The following MYBBP1A variants were observed in gnomAD, a reference collection of about 807,000 sequenced individuals.
MYBBP1A encodes myb-binding protein 1A.
In MYBBP1A, 147 loss-of-function variants were observed where a neutral mutation model predicts 136.3. The observed-to-expected ratio is 1.08, with a 90% CI of 0.94 to 1.24. The LOEUF is 1.24. Ranked by LOEUF, MYBBP1A falls within the 50% of genes most tolerant of loss-of-function variation. The pLI is 0.00. For synonymous variants in MYBBP1A, 947 were observed against 735.8 expected, an observed-to-expected ratio of 1.29 and a Z score of -4.65; for missense variants, 2,060 against 1,727.4, an observed-to-expected ratio of 1.19 and a Z score of -3.41.
At position 4,539,502 on chromosome 17, in the gene MYBBP1A, TGCCTTTTTCCGTGCCA is replaced by T. The variant is rs1201952885; in HGVS notation, c.3884_3899del (p.Leu1295GlnfsTer23). 6.2e-7 allele frequency: 1 copy of T among 1,614,126 alleles called. No individual in the cohort carries two copies. Among genetic ancestry groups the T allele is most frequent in the Admixed American group, 1.7e-5 (1 of 60,024 alleles). On this transcript the variant is annotated frameshift_variant, in exon 26 of 26. Transcript: ENST00000254718. LOFTEE classifies it low-confidence loss of function (END_TRUNC). ...GACTCCTGATGACCAAAGACAGCCT[TGCCTTTTTCCGTGCCA>T]GCGCGGACAGTGGTGATTTGCCCAA...
At position 4,546,081 on chromosome 17, in the gene MYBBP1A, C is replaced by G. The variant is rs545901710; in HGVS notation, c.1825-139G>C. 1.4e-4 allele frequency: 100 copies of G among 719,014 alleles called. No homozygotes were observed. In the African/African-American group the frequency reaches 1.5e-3, roughly 11 times the overall value. The allele number at this position is 719,014 out of a possible 1,614,324, so 44.5% of individuals were successfully genotyped here. A position where few individuals can be genotyped will look rare whatever the true frequency, so the allele number is the denominator to read the frequency against. The stretch of plus-strand genomic sequence containing the variant: ...CCACTGGCCCGCCCTGGCCAGTCAC[C>G]CCCACAATCCAGAACAGAAGACCCC... On this transcript the variant is annotated intron_variant, in intron 13 of 25. Coordinates refer to ENST00000254718, the MANE Select transcript of MYBBP1A (RefSeq NM_014520.4).
Position 4,542,560 on chromosome 17 carries a change from G to A in MYBBP1A, c.3019-28C>T, listed in dbSNP as rs763332037. The stretch of plus-strand genomic sequence containing the variant: ...GGTGGGGAGTGACAAGGGCTGTGAG[G>A]TGCAGGCTGGGCTGAGCAGGGACCA... On this transcript the variant is annotated intron_variant, in intron 21 of 25. Coordinates refer to ENST00000254718, the MANE Select transcript of MYBBP1A (RefSeq NM_014520.4). 4.3e-6 allele frequency: 7 copies of A among 1,612,738 alleles called. No individual in the cohort carries two copies. The Admixed American group carries it at 8.3e-5, about 19-fold the overall frequency.
intron 2 of MYBBP1A, among the ~76,000 whole-genome samples, chr17:4,554,502 G>A (rs1481565378): frequency 2.0e-5 from 3 of 152,136 alleles, no homozygotes; most frequent in Non-Finnish European, 2.9e-5. Flanking sequence ...GGCTGATCCT[G>A]CAGGCCTGGG....
At chr17:4,546,431 C>CG (rs1907022086) in intron 13 of MYBBP1A, among the ~76,000 whole-genome samples, 1 of 152,070 alleles carries the variant, frequency 6.6e-6, no homozygotes, top group African/African-American at 2.4e-5. Flanking sequence ...AGCTAGCTGA[C>CG]GGCTTTTTCA....
In MYBBP1A at chr17:4,548,772, G is replaced by A; in HGVS notation, c.1431-123C>T. 2.2e-6 allele frequency: 3 copies of A among 1,381,592 alleles called. No individual in the cohort carries two copies. The highest frequency in any genetic ancestry group is 2.0e-6 in the Non-Finnish European group (2 of 1,011,084). The allele number at this position is 1,381,592 out of a possible 1,614,324, so 85.6% of individuals were successfully genotyped here. On this transcript the variant is annotated intron_variant, in intron 10 of 25. Coordinates refer to ENST00000254718, the MANE Select transcript of MYBBP1A (RefSeq NM_014520.4). This position sits in a 1 kb window ranked among gnomAD's most constrained non-coding sequence, Gnocchi z 4.2. ...GAGGAGGAGCCGCCCTTCTGCCCTG[G>A]GTACAGTCCTCGGGGGCCTGACGGG...
At chr17:4,541,755 G>A in intron 23 of MYBBP1A, 29 bp downstream of exon 23, 1 of 1,581,168 alleles carries the variant, frequency 6.3e-7, no homozygotes, top group Non-Finnish European at 8.7e-7. Context: ...TTCTGAGGGG[G>A]TGGGGAAAGG....
chr17:4,549,807 AAAG>A (rs1302795131), intron 9 of MYBBP1A, among the ~76,000 whole-genome samples: 4 of 150,958 alleles, frequency 2.6e-5, no homozygotes, highest in Non-Finnish European at 3.0e-5. Context: ...AAAAAAAAAA[AAAG>A]AACCAGCAAA....
chr17:4,542,864 C>G (rs532610403), intron 20 of MYBBP1A, 49 bp downstream of exon 20: 3 of 1,608,740 alleles, frequency 1.9e-6, no homozygotes, highest in African/African-American at 1.3e-5. Context: ...GGCCTCCACT[C>G]CCTGGCTGTG....
intron 13 of MYBBP1A, 31 bp from the exon 14 acceptor site, chr17:4,545,973 C>T: frequency 6.3e-7 from 1 of 1,597,356 alleles, no homozygotes; most frequent in Non-Finnish European, 8.6e-7. Context: ...ACACTGGGGC[C>T]AGGCCCTGTC....
Position 4,539,918 on chromosome 17 carries a change from G to A in MYBBP1A, c.3484C>T (p.Gln1162Ter), listed in dbSNP as rs776273578. Residue 1162 changes from glutamine (Q) to a stop codon, truncating the protein, a stop_gained, in exon 26 of 26, where the codon CAG becomes TAG. Transcript: ENST00000254718. LOFTEE classifies it low-confidence loss of function (END_TRUNC). ...KDAKEIPSATQSPISKKRKKK... is the reference protein window; with the variant it reads ...KDAKEIPSAT ...TTCCGCTTCTTACTGATGGGGCTCT[G>A]GGTGGCACTGGGGATCTCCTTGGCA... The A allele has an allele frequency of 5.0e-6, 8 of 1,599,866 alleles. No homozygotes were observed. The African/African-American group carries it at 8.0e-5, about 16-fold the overall frequency.
chr17:4,547,193 C>T (rs2144470796), intron 13 of MYBBP1A, among the ~76,000 whole-genome samples: 1 of 152,088 alleles, frequency 6.6e-6, no homozygotes, highest in East Asian at 1.9e-4. Context: ...CAGGTGCGAG[C>T]CCCGAGCCTG....
At position 4,545,671 on chromosome 17, in the gene MYBBP1A, C is replaced by T. The variant is rs754670204; in HGVS notation, c.2012G>A (p.Arg671Gln). The T allele has an allele frequency of 1.6e-5, 25 of 1,611,374 alleles. No individual in the cohort carries two copies. Among genetic ancestry groups the T allele is most frequent in the South Asian group, 6.6e-5 (6 of 90,942 alleles). Reference protein sequence around the residue: ...QPSHLMRQVARSVFGHICSHL... With the variant: ...QPSHLMRQVAQSVFGHICSHL... The stretch of plus-strand genomic sequence containing the variant: ...GGAGCAGATGTGGCCAAACACGCTC[C>T]GGGCCACCTGGCGCATGAGGTGGCT... The change falls in exon 15 of 26, where the codon CGG (arginine) becomes CAG (glutamine). Residue 671 changes from arginine to glutamine, a missense_variant. Arg to Gln is a conservative substitution (Grantham distance 43, BLOSUM62 1). Transcript: ENST00000254718.
Position 4,544,889 on chromosome 17 carries a change from C to T in MYBBP1A, c.2343G>A (p.Leu781=). Residue 781 remains leucine (L), a synonymous_variant, in exon 18 of 26, where the codon CTG becomes CTA. Coordinates refer to ENST00000254718, the MANE Select transcript of MYBBP1A (RefSeq NM_014520.4). ...GGEDSENEEE[L]GDEAMMALDQ... ...CCAGGGCCATCATGGCCTCATCCCC[C>T]AGCTCCTCCTCGTTCTCACTGTCCT... 6.2e-7 allele frequency: 1 copy of T among 1,606,900 alleles called. No individual in the cohort carries two copies. Among genetic ancestry groups the T allele is most frequent in the Non-Finnish European group, 8.5e-7 (1 of 1,176,394 alleles).
In MYBBP1A at chr17:4,549,389, C is replaced by T. The variant is rs1907300985; in HGVS notation, c.1373G>A (p.Ser458Asn). The change falls in exon 10 of 26, where the codon AGC becomes AAC. Residue 458 changes from serine (S) to asparagine (N), a missense_variant. Coordinates refer to ENST00000254718, the MANE Select transcript of MYBBP1A (RefSeq NM_014520.4). Reference protein sequence around the residue: ...LRKWIIFRLVSIVDSLHLEME... With the variant: ...LRKWIIFRLVNIVDSLHLEME... ...CTCCAGGTGCAGGCTGTCCACAATG[C>T]TCACCAATCGAAAGATGATCCATTT... The T allele has an allele frequency of 1.2e-6, 2 of 1,613,200 alleles. No individual in the cohort carries two copies. Among genetic ancestry groups the T allele is most frequent in the African/African-American group, 2.7e-5 (2 of 74,940 alleles).
chr17:4,540,386 G>A lies in MYBBP1A; in HGVS notation c.3396C>T (p.His1132=), dbSNP rs375027764. 46 of 1,609,884 alleles carry A rather than the reference G, an allele frequency of 2.9e-5. No homozygotes were observed. In the African/African-American group the frequency reaches 3.2e-4, roughly 11 times the overall value. ...GAHSTGSSRL[H]DLYWQAMKTL... The stretch of plus-strand genomic sequence containing the variant: ...TTTTCATGGCCTGCCAGTAGAGGTC[G>A]TGCAGGCGGCTGGAGCCGGTGGAGT... Residue 1132 remains histidine, a synonymous_variant, in exon 25 of 26, where the codon CAC becomes CAT. Coordinates refer to ENST00000254718, the MANE Select transcript of MYBBP1A (RefSeq NM_014520.4).
Position 4,552,196 on chromosome 17 carries a change from T to C in MYBBP1A, c.834A>G (p.Glu278=), listed in dbSNP as rs780140864. 1.2e-6 allele frequency: 2 copies of C among 1,614,232 alleles called. No homozygotes were observed. The highest frequency in any genetic ancestry group is 1.7e-6 in the Non-Finnish European group (2 of 1,180,036). ...ALDLLRLALK[E]DKFPRFWKEV... ...CCTTCCAGAACCGTGGGAACTTGTCTTCCTTGAGTGCCAGGCGGAGCAGGT... is the reference window on the plus strand; with the variant it reads ...CCTTCCAGAACCGTGGGAACTTGTCCTCCTTGAGTGCCAGGCGGAGCAGGT... The change falls in exon 7 of 26, where the codon GAA becomes GAG. Residue 278 remains glutamate, a synonymous_variant. Transcript: ENST00000254718. The surrounding 1 kb of genome is among the most constrained non-coding windows in gnomAD (Gnocchi z 4.7).
chr17:4,555,298 C>T lies in MYBBP1A; in HGVS notation c.27G>A (p.Pro9=), dbSNP rs779176187. The change falls in exon 1 of 26, where the codon CCG becomes CCA. Residue 9 remains proline (P), a synonymous_variant. Coordinates refer to ENST00000254718, the MANE Select transcript of MYBBP1A (RefSeq NM_014520.4). MESRDPAQ[P]MSPGEATQSG... The stretch of plus-strand genomic sequence containing the variant: ...TCTGCGTCGCTTCTCCAGGCGACAT[C>T]GGCTGGGCGGGATCCCGGCTCTCCA... 11 of 1,606,180 alleles carry T rather than the reference C, an allele frequency of 6.8e-6. No homozygotes were observed. Among genetic ancestry groups the T allele is most frequent in the South Asian group, 1.1e-5 (1 of 89,918 alleles).
In MYBBP1A at chr17:4,543,106, A is replaced by G; in HGVS notation, c.2699T>C (p.Leu900Pro). 1 of 1,612,782 alleles carries G rather than the reference A, an allele frequency of 6.2e-7. No individual in the cohort carries two copies. The highest frequency in any genetic ancestry group is 1.1e-5 in the South Asian group (1 of 91,028). Residue 900 changes from leucine to proline, a missense_variant, in exon 20 of 26, where the codon CTG becomes CCG. Coordinates refer to ENST00000254718, the MANE Select transcript of MYBBP1A (RefSeq NM_014520.4). ...CHDLGERAGALHAQVERLVQQ... is the reference protein window; with the variant it reads ...CHDLGERAGAPHAQVERLVQQ... Reference sequence around the variant, plus strand: ...CACCAACCGCTCCACCTGGGCGTGCAGGGCCCCTGCGCGCTCACCCAAGTC... The same window carrying G: ...CACCAACCGCTCCACCTGGGCGTGCGGGGCCCCTGCGCGCTCACCCAAGTC...
Position 4,540,389 on chromosome 17 carries a change from C to G in MYBBP1A, c.3393G>C (p.Leu1131=). The G allele has an allele frequency of 6.2e-7, 1 of 1,609,948 alleles. No homozygotes were observed. Among genetic ancestry groups the G allele is most frequent in the African/African-American group, 1.3e-5 (1 of 75,032 alleles). ...TCATGGCCTGCCAGTAGAGGTCGTG[C>G]AGGCGGCTGGAGCCGGTGGAGTGTG... ...QGAHSTGSSR[L]HDLYWQAMKT... The change falls in exon 25 of 26, where the codon CTG becomes CTC. Residue 1131 remains leucine, a synonymous_variant. Transcript: ENST00000254718.
Sources: gnomAD v4.1 joint callset for allele counts (sites outside exome capture counted in the v4.1 genomes callset) on GRCh38, gnomAD v4.1.1 for gene constraint, Gnocchi (gnomAD v3.1) non-coding constraint, MANE v1.5 for transcripts, NCBI Gene and HGNC (gene_info 2026-07-23, HGNC 2026-07-21) for gene names.